Variants in GALNT14 observed in about 807,000 individuals in gnomAD.
GALNT14 encodes the protein polypeptide N-acetylgalactosaminyltransferase 14.
In GALNT14, 60 loss-of-function variants were observed where a neutral mutation model predicts 77.5. That is an observed-to-expected ratio of 0.77 (90% CI 0.63 to 0.96). GALNT14 has a LOEUF of 0.96. Ranked by LOEUF, GALNT14 falls within the 40% of genes least tolerant of loss-of-function variation. GALNT14 has a pLI of 0.00. For synonymous variants in GALNT14, 280 were observed against 281.7 expected (o/e 0.99, Z 0.06); for missense variants, 710 against 731.0 (o/e 0.97, Z 0.33).
chr2:31,087,536 A>AGAGGAGAAGAGAGGAGAGGGGAGGCGAGG (rs1160670621), intron 1 of GALNT14, among the ~76,000 whole-genome samples: 1 of 150,404 alleles, frequency 6.6e-6, no homozygotes, highest in Admixed American at 6.6e-5. Context: ...CGAGGAGAGG[A>AGAGGAGAAGAGAGGAGAGGGGAGGCGAGG]AGACCTCTAG....
the GALNT14 span, among the ~76,000 whole-genome samples, chr2:30,904,542 C>G: frequency 6.6e-6 from 1 of 152,248 alleles, no homozygotes; most frequent in Non-Finnish European, 1.5e-5. Context: ...ATATCCCACA[C>G]CTGGCTTGGA....
intron 1 of GALNT14, among the ~76,000 whole-genome samples, chr2:31,042,863 A>C (rs1673185807): frequency 6.6e-6 from 1 of 152,160 alleles, no homozygotes; most frequent in African/African-American, 2.4e-5. Flanking sequence ...GTCTATTTGC[A>C]ATACAACAGT....
At chr2:30,896,590 T>C in the GALNT14 span, among the ~76,000 whole-genome samples, 1 of 152,208 alleles carries the variant, frequency 6.6e-6, no homozygotes, top group Non-Finnish European at 1.5e-5. Context: ...CTAAGAACAA[T>C]GCTGGGGACC....
intron 1 of GALNT14, among the ~76,000 whole-genome samples, chr2:31,022,113 A>G (rs1573180447): frequency 6.6e-6 from 1 of 152,242 alleles, no homozygotes; most frequent in East Asian, 1.9e-4. Flanking sequence ...TTTGTGGGCT[A>G]GAACAGTGTC....
chr2:31,124,997 A>G (rs1425794749), intron 1 of GALNT14, among the ~76,000 whole-genome samples: 2 of 152,242 alleles, frequency 1.3e-5, no homozygotes, highest in Non-Finnish European at 2.9e-5. Context: ...TATTCAGAGC[A>G]TGGCCAGAGC....
At chr2:30,898,832 AGACTCTGGAGGCAAAGAAGAGG>A in the GALNT14 span, among the ~76,000 whole-genome samples, 1 of 152,224 alleles carries the variant, frequency 6.6e-6, no homozygotes, top group Non-Finnish European at 1.5e-5. Flanking sequence ...ACCTTGGAGG[AGACTCTGGAGGCAAAGAAGAGG>A]GAGCTCATCC....
chr2:30,920,882 C>T (rs79386088), intron 13 of GALNT14, among the ~76,000 whole-genome samples: 7,353 of 152,228 alleles, frequency 0.048, 265 homozygotes, highest in Non-Finnish European at 0.071. Context: ...GTGGACTGAG[C>T]GTCATCCTGT....
At chr2:31,077,889 A>T (rs1191081393) in intron 1 of GALNT14, among the ~76,000 whole-genome samples, 1 of 152,236 alleles carries the variant, frequency 6.6e-6, no homozygotes, top group African/African-American at 2.4e-5. Context: ...TGGCTGAGGC[A>T]CCTGATCAAG....
chr2:31,137,321 TG>T (rs1373182939), intron 1 of GALNT14, among the ~76,000 whole-genome samples: 1 of 152,184 alleles, frequency 6.6e-6, no homozygotes, highest in Non-Finnish European at 1.5e-5. Flanking sequence ...AAAAGCCACT[TG>T]GATTCCCATT....
chr2:31,092,764 T>C (rs1380010165), intron 1 of GALNT14, among the ~76,000 whole-genome samples: 2 of 152,188 alleles, frequency 1.3e-5, no homozygotes, highest in Non-Finnish European at 2.9e-5. Context: ...ATGTACAGTG[T>C]AGTGAATATA....
At chr2:31,004,028 G>A (rs141765821) in intron 1 of GALNT14, among the ~76,000 whole-genome samples, 284 of 152,306 alleles carry the variant, frequency 1.9e-3, no homozygotes, top group Middle Eastern at 0.017. Flanking sequence ...CCCTTATGTC[G>A]ATGGGCATCC....
At chr2:31,092,021 A>G (rs577201743) in intron 1 of GALNT14, among the ~76,000 whole-genome samples, 2 of 152,214 alleles carry the variant, frequency 1.3e-5, no homozygotes, top group African/African-American at 4.8e-5. Context: ...GCCGTGCTGG[A>G]TGCTTCCTGC....
intron 1 of GALNT14, among the ~76,000 whole-genome samples, chr2:30,994,325 C>G (rs1325475391): frequency 4.6e-5 from 7 of 152,148 alleles, no homozygotes; most frequent in Non-Finnish European, 7.4e-5. Context: ...ACTCGGGAAA[C>G]CTGACCAGGG....
chr2:31,136,358 A>T (rs1221664763), intron 1 of GALNT14, among the ~76,000 whole-genome samples: 1 of 151,956 alleles, frequency 6.6e-6, no homozygotes, highest in East Asian at 1.9e-4. Flanking sequence ...TCATGCAGTT[A>T]ACCTCTACCT....
At chr2:30,949,230 G>A (rs1016478325) in intron 6 of GALNT14, among the ~76,000 whole-genome samples, 1 of 152,104 alleles carries the variant, frequency 6.6e-6, no homozygotes, top group African/African-American at 2.4e-5. Context: ...CCCAAAGCCT[G>A]GTGGGCAGCA....
intron 1 of GALNT14, among the ~76,000 whole-genome samples, chr2:31,031,972 T>A (rs916970002): frequency 6.6e-6 from 1 of 152,226 alleles, no homozygotes; most frequent in African/African-American, 2.4e-5. Context: ...CTCTCGGAAC[T>A]TCTCGCGGCT....
At chr2:31,059,956 C>T (rs17010628) in intron 1 of GALNT14, among the ~76,000 whole-genome samples, 1,900 of 152,240 alleles carry the variant, frequency 0.012, 37 homozygotes, top group African/African-American at 0.043. Flanking sequence ...ATTATATTTC[C>T]CCTACTCTTT....
At chr2:31,017,329 C>A (rs1026372829) in intron 1 of GALNT14, among the ~76,000 whole-genome samples, 6 of 152,208 alleles carry the variant, frequency 3.9e-5, no homozygotes, top group African/African-American at 1.2e-4. Flanking sequence ...CCCTTGCCCA[C>A]AATAGGCATT....
At chr2:31,060,577 C>T (rs1674527959) in intron 1 of GALNT14, among the ~76,000 whole-genome samples, 2 of 152,176 alleles carry the variant, frequency 1.3e-5, no homozygotes, top group African/African-American at 4.8e-5. Context: ...CTAATAAATG[C>T]TGTAATAGCA....
Sources: gnomAD v4.1 joint callset for allele counts (sites outside exome capture counted in the v4.1 genomes callset) on GRCh38, gnomAD v4.1.1 for gene constraint, MANE v1.5 for transcripts, NCBI Gene and HGNC (gene_info 2026-07-23, HGNC 2026-07-21) for gene names.